NLRX1: variants seen among roughly 807,000 people sequenced by gnomAD.
NLRX1 encodes the protein NOD-like receptor X1.
NLRX1 carries 67 observed loss-of-function variants against 74.2 expected under a neutral mutation model. The observed-to-expected ratio is 0.90, with a 90% confidence interval of 0.74 to 1.11. The LOEUF (loss-of-function observed/expected upper bound fraction) is 1.11. Ranked by LOEUF, NLRX1 falls within the 50% of genes least tolerant of loss-of-function variation. The probability of loss-of-function intolerance (pLI) is 0.00; values close to 1 mark genes in which losing one functional copy is unlikely to be tolerated. For synonymous variants in NLRX1, 506 were observed against 559.1 expected, an observed-to-expected ratio of 0.91 and a Z score of 1.34; for missense variants, 1,191 against 1,305.4, an observed-to-expected ratio of 0.91 and a Z score of 1.35.
In NLRX1 at chr11:119,169,012, G is replaced by C. The variant is rs1948470313; in HGVS notation, c.-339G>C. 6.6e-6 allele frequency: 1 copy of C among 152,252 alleles called. No individual in the cohort carries two copies. The highest frequency in any genetic ancestry group is 2.4e-5 in the African/African-American group (1 of 41,466). 9.4% of individuals were successfully genotyped at this position (152,252 alleles called of 1,614,324 possible). A position where few individuals can be genotyped will look rare whatever the true frequency, so the allele number is the denominator to read the frequency against. ...GCCCAGCCGACCCCTCTGGGCCGCGGCCGACGGCTCCCGGAACTGGGCAGC... is the reference window on the plus strand; with the variant it reads ...GCCCAGCCGACCCCTCTGGGCCGCGCCCGACGGCTCCCGGAACTGGGCAGC... On this transcript the variant is annotated 5_prime_UTR_variant, in exon 1 of 10. Coordinates refer to ENST00000409109, the MANE Select transcript of NLRX1 (RefSeq NM_001282144.2).
intron 1 of NLRX1, among the ~76,000 whole-genome samples, chr11:119,170,800 A>G (rs1948521863): frequency 1.3e-5 from 2 of 152,184 alleles, no homozygotes; most frequent in South Asian, 4.1e-4. Context: ...GCAGTTTACC[A>G]GGGTGGAACT....
Position 119,173,699 on chromosome 11 carries a change from T to A in NLRX1, c.450T>A (p.Phe150Leu), listed in dbSNP as rs1354652713. The A allele has an allele frequency of 2.5e-6, 4 of 1,614,038 alleles. 1 individual carries two copies. In the South Asian group the frequency reaches 4.4e-5, roughly 18 times the overall value. ...CCCCACTGGCCTTGTCTCAGCTCTT[T>A]AACCCGGATGCCTGTGGGCGCCGGG... ...GLPPLALSQL[F>L]NPDACGRRVQ... Residue 150 changes from phenylalanine (F) to leucine (L), a missense_variant, in exon 5 of 10, where the codon TTT becomes TTA. By Grantham distance (22) the Phe-to-Leu change is conservative. Coordinates refer to ENST00000409109, the MANE Select transcript of NLRX1 (RefSeq NM_001282144.2). This position sits in a 1 kb window ranked among gnomAD's most constrained non-coding sequence, Gnocchi z 4.0.
intron 6 of NLRX1, among the ~76,000 whole-genome samples, chr11:119,179,176 C>T (rs559173527): frequency 7.2e-5 from 11 of 152,300 alleles, no homozygotes; most frequent in African/African-American, 2.6e-4. Context: ...ATACCTAGCC[C>T]GGTCCCAAAC....
intron 6 of NLRX1, among the ~76,000 whole-genome samples, chr11:119,176,484 G>A (rs1053882919): frequency 3.3e-5 from 5 of 152,018 alleles, no homozygotes; most frequent in Non-Finnish European, 7.4e-5. Context: ...TTTGAGAGGC[G>A]AGGCAGGTAG....
upstream of NLRX1, chr11:119,168,573 T>A (rs1948457322): frequency 6.6e-6 from 1 of 152,274 alleles, no homozygotes. Flanking sequence ...ACTTCCTAAC[T>A]GAATCAACCT....
At chr11:119,178,626 C>G (rs1948754512) in intron 6 of NLRX1, among the ~76,000 whole-genome samples, 1 of 151,908 alleles carries the variant, frequency 6.6e-6, no homozygotes, top group South Asian at 2.1e-4. Flanking sequence ...TGTCGTCTGA[C>G]CCTTGTAGCA....
At chr11:119,172,689 A>T (rs1948582329) in intron 3 of NLRX1, among the ~76,000 whole-genome samples, 1 of 152,212 alleles carries the variant, frequency 6.6e-6, no homozygotes, top group Admixed American at 6.5e-5. Flanking sequence ...CCAGGCGGGC[A>T]GTCAGCAGTG....
Position 119,179,975 on chromosome 11 carries a change from C to T in NLRX1, c.1954C>T (p.Leu652=), listed in dbSNP as rs1404363802. ...LGCPIKNLDA[L]ENAQAIKKKL... Reference sequence around the variant, plus strand: ...CTGCCCCATCAAGAACCTGGATGCCCTGGAGAATGCCCAGGCCATCAAGAA... The same window carrying T: ...CTGCCCCATCAAGAACCTGGATGCCTTGGAGAATGCCCAGGCCATCAAGAA... Residue 652 remains leucine (L), a synonymous_variant, in exon 7 of 10, where the codon CTG becomes TTG. Coordinates refer to ENST00000409109, the MANE Select transcript of NLRX1 (RefSeq NM_001282144.2). 3 of 1,613,706 alleles carry T rather than the reference C, an allele frequency of 1.9e-6. No homozygotes were observed. Among genetic ancestry groups the T allele is most frequent in the South Asian group, 1.1e-5 (1 of 91,078 alleles).
intron 1 of NLRX1, among the ~76,000 whole-genome samples, chr11:119,170,000 GAAAAAAAAAAAAAAAAAAAA>G (rs59630475): frequency 7.4e-5 from 3 of 40,332 alleles, no homozygotes; most frequent in African/African-American, 2.1e-4. Flanking sequence ...CCTGTCTCAG[GAAAAAAAAAAAAAAAAAAAA>G]AAAAAAAAAA....
At position 119,182,481 on chromosome 11, in the gene NLRX1, C is replaced by G. The variant is rs777726971; in HGVS notation, c.2606+136C>G. 30 of 1,277,300 alleles carry G rather than the reference C, an allele frequency of 2.3e-5. No homozygotes were observed. The Middle Eastern group carries it at 1.1e-3, about 46-fold the overall frequency. The allele number at this position is 1,277,300 out of a possible 1,614,324, so 79.1% of individuals were successfully genotyped here. ...CCTTTATTCCTGGTTTCTGACTGAT[C>G]CTTGTCAACCTAGCTCTGAGCCAAC... On this transcript the variant is annotated intron_variant, in intron 9 of 9. Coordinates refer to ENST00000409109, the MANE Select transcript of NLRX1 (RefSeq NM_001282144.2).
At chr11:119,169,758 G>A (rs1286427146) in intron 1 of NLRX1, among the ~76,000 whole-genome samples, 1 of 152,162 alleles carries the variant, frequency 6.6e-6, no homozygotes, top group Admixed American at 6.5e-5. Flanking sequence ...GGGAGGGCAA[G>A]GCGGGCGGAT....
At chr11:119,179,027 T>C (rs1765110544) in intron 6 of NLRX1, among the ~76,000 whole-genome samples, 1 of 151,798 alleles carries the variant, frequency 6.6e-6, no homozygotes, top group African/African-American at 2.4e-5. Flanking sequence ...ACTGTTAAGA[T>C]GAAAAAAGCC....
chr11:119,178,806 G>A (rs1422752127), intron 6 of NLRX1, among the ~76,000 whole-genome samples: 1 of 151,900 alleles, frequency 6.6e-6, no homozygotes, highest in Admixed American at 6.6e-5. Flanking sequence ...GTGCTCAAGG[G>A]ACTACAGGCA....
chr11:119,174,400 G>A (rs1429837745), intron 5 of NLRX1, 53 bp from the exon 6 acceptor site: 1 of 1,546,334 alleles, frequency 6.5e-7, no homozygotes, highest in Non-Finnish European at 8.8e-7. Flanking sequence ...GGGAATAGAA[G>A]CAGTCAACAG....
At position 119,183,474 on chromosome 11, in the gene NLRX1, T is replaced by C. The variant is rs751571198; in HGVS notation, c.*35T>C. On this transcript the variant is annotated 3_prime_UTR_variant, in exon 10 of 10. Transcript: ENST00000409109. This position sits in a 1 kb window ranked among gnomAD's most constrained non-coding sequence, Gnocchi z 5.7. ...GGCAGGCACCTAGCTATGTGACCAC[T>C]GGCCCTAAACCTTTTCCCTCTGTGG... The C allele has an allele frequency of 6.3e-7, 1 of 1,581,490 alleles. No individual in the cohort carries two copies. Among genetic ancestry groups the C allele is most frequent in the Non-Finnish European group, 8.6e-7 (1 of 1,165,422 alleles).
rs763551351 is a variant in NLRX1, at chr11:119,175,159, G to A, written c.1556G>A (p.Gly519Asp). Residue 519 changes from glycine (G) to aspartate (D), a missense_variant, in exon 6 of 10, where the codon GGC becomes GAC. Gly to Asp is a moderately conservative substitution (Grantham distance 94, BLOSUM62 -1). Transcript: ENST00000409109. ...CGCAAGACGACCCTGCAAAAGGTGGGCAAGGAAGTGGCTGAGCTCGTGGGC... is the reference window on the plus strand; with the variant it reads ...CGCAAGACGACCCTGCAAAAGGTGGACAAGGAAGTGGCTGAGCTCGTGGGC... ...GLRKTTLQKV[G>D]KEVAELVGRV... 1 of 1,614,192 alleles carries A rather than the reference G, an allele frequency of 6.2e-7. No individual in the cohort carries two copies. Among genetic ancestry groups the A allele is most frequent in the Non-Finnish European group, 8.5e-7 (1 of 1,180,030 alleles).
Position 119,181,157 on chromosome 11 carries a change from A to G in NLRX1, c.2268-14A>G, listed in dbSNP as rs768364644. The G allele has an allele frequency of 6.2e-7, 1 of 1,609,726 alleles. No individual in the cohort carries two copies. The highest frequency in any genetic ancestry group is 1.7e-5 in the Admixed American group (1 of 59,990). Reference sequence around the variant, plus strand: ...CTGGTCTCTCACCTCCCCTCTGGCCACCTTCTGCTCCAGCTTGCAACTCAA... The same window carrying G: ...CTGGTCTCTCACCTCCCCTCTGGCCGCCTTCTGCTCCAGCTTGCAACTCAA... On this transcript the variant is annotated splice_polypyrimidine_tract_variant and intron_variant, in intron 7 of 9. Coordinates refer to ENST00000409109, the MANE Select transcript of NLRX1 (RefSeq NM_001282144.2).
At chr11:119,177,407 A>T (rs1948725777) in intron 6 of NLRX1, among the ~76,000 whole-genome samples, 4 of 151,720 alleles carry the variant, frequency 2.6e-5, no homozygotes, top group Admixed American at 6.6e-5. Flanking sequence ...TTTGTCACAC[A>T]TAGAAACAGA....
chr11:119,174,893 C>G lies in NLRX1; in HGVS notation c.1290C>G (p.Gly430=), dbSNP rs1485843483. The change falls in exon 6 of 10, where the codon GGC becomes GGG. Residue 430 remains glycine, a synonymous_variant. Transcript: ENST00000409109. Reference sequence around the variant, plus strand: ...TGGCCTATGCAGCCCGAACCATGGGCAAGTTGGCCTATGAGGGGGTGTCCT... The same window carrying G: ...TGGCCTATGCAGCCCGAACCATGGGGAAGTTGGCCTATGAGGGGGTGTCCT... ...SLMAYAARTM[G]KLAYEGVSSR... 6.2e-7 allele frequency: 1 copy of G among 1,613,952 alleles called. No individual in the cohort carries two copies. The highest frequency in any genetic ancestry group is 1.3e-5 in the African/African-American group (1 of 74,944).
Sources: allele counts gnomAD v4.1 joint callset (sites outside exome capture counted in the v4.1 genomes callset), GRCh38; gene constraint gnomAD v4.1.1; non-coding constraint Gnocchi (gnomAD v3.1); transcripts MANE v1.5; gene names NCBI Gene and HGNC (gene_info 2026-07-23, HGNC 2026-07-21).